The following APPL2 variants were observed in gnomAD, a reference collection of about 807,000 sequenced individuals.
APPL2 encodes adaptor protein, phosphotyrosine interacting with PH domain and leucine zipper 2.
APPL2 carries 84 observed loss-of-function variants against 92.7 expected under a neutral mutation model. The ratio of observed to expected loss-of-function variants is 0.91; its 90% confidence interval spans 0.76 to 1.09. The LOEUF is 1.09. Ranked by LOEUF, APPL2 falls within the 50% of genes least tolerant of loss-of-function variation. The pLI is 0.00. For missense variants in APPL2, 736 were observed against 824.5 expected (o/e 0.89, Z 1.31); for synonymous variants, 291 against 291.0 (o/e 1.00, Z 0.00).
At position 105,207,072 on chromosome 12, in the gene APPL2, C is replaced by T; in HGVS notation, c.610G>A (p.Ala204Thr). The T allele has an allele frequency of 6.2e-7, 1 of 1,614,022 alleles. No homozygotes were observed. The highest frequency in any genetic ancestry group is 8.5e-7 in the Non-Finnish European group (1 of 1,179,974). Residue 204 changes from alanine (A) to threonine (T), a missense_variant, in exon 8 of 21, where the codon GCC becomes ACC. Coordinates refer to ENST00000258530, the MANE Select transcript of APPL2 (RefSeq NM_018171.5). ...AGGGACTCCCCTACCTGTCCATGGG[C>T]AAAGCCTATCATGGGCTCCATCATG... ...MAMMEPMIGFAHGQINFFKKG... is the reference protein window; with the variant it reads ...MAMMEPMIGFTHGQINFFKKG...
Position 105,229,210 on chromosome 12 carries a change from A to G in APPL2, c.68T>C (p.Leu23Pro). The G allele has an allele frequency of 6.2e-7, 1 of 1,613,396 alleles. No homozygotes were observed. Among genetic ancestry groups the G allele is most frequent in the Non-Finnish European group, 8.5e-7 (1 of 1,179,502 alleles). ...GCCAGCATCTTCTTCAAACACGCTC[A>G]GTAAAGAGCGAGTCTGGAAGAAAAG... is the stretch of plus-strand genomic sequence containing the variant. ...LQDSPQTRSLLSVFEEDAGTL... is the reference protein window; with the variant it reads ...LQDSPQTRSLPSVFEEDAGTL... Residue 23 changes from leucine (L) to proline (P), a missense_variant, in exon 2 of 21, where the codon CTG (leucine) becomes CCG (proline). Physicochemically the swap from Leu to Pro is moderately conservative, Grantham distance 98. Coordinates refer to ENST00000258530, the MANE Select transcript of APPL2 (RefSeq NM_018171.5).
rs531803578 is a variant in APPL2 at position 105,215,197 on chromosome 12, C to A, written c.285+1872G>T. 2.0e-5 allele frequency among the ~76,000 whole-genome samples: 3 copies of A among 152,298 alleles called. No homozygotes were observed. The South Asian group carries it at 6.2e-4, about 32-fold the overall frequency. ...TTGTCAGAAGTACCAGAGGCCTAGA[C>A]TTGCAATTGGCATCTGAAGTGTGGG... is the stretch of plus-strand genomic sequence containing the variant. On this transcript the variant is annotated intron_variant, in intron 4 of 20. Transcript: ENST00000258530.
At chr12:105,179,275 T>C (rs966712656) in intron 17 of APPL2, among the ~76,000 whole-genome samples, 7 of 152,186 alleles carry the variant, frequency 4.6e-5, no homozygotes, top group Non-Finnish European at 8.8e-5. Flanking sequence ...CTGAGAATGA[T>C]GGTTTCCAGC....
chr12:105,225,325 T>G (rs1384138986), intron 2 of APPL2, among the ~76,000 whole-genome samples: 1 of 152,150 alleles, frequency 6.6e-6, no homozygotes, highest in African/African-American at 2.4e-5. Context: ...TTATTACCCC[T>G]GGCCCCACTT....
intron 1 of APPL2, among the ~76,000 whole-genome samples, chr12:105,231,463 T>C (rs1046787094): frequency 6.6e-6 from 1 of 152,218 alleles, no homozygotes; most frequent in Non-Finnish European, 1.5e-5. Flanking sequence ...GATTCCATGG[T>C]TCCATTAACT....
rs1189196634 is a variant in APPL2 at position 105,203,762 on chromosome 12, T to C, written c.645A>G (p.Ala215=). 2 of 1,613,882 alleles carry C rather than the reference T, an allele frequency of 1.2e-6. No individual in the cohort carries two copies. Among genetic ancestry groups the C allele is most frequent in the South Asian group, 2.2e-5 (2 of 91,084 alleles). Residue 215 remains alanine (A), a synonymous_variant, in exon 9 of 21, where the codon GCA becomes GCG. Transcript: ENST00000258530. ...TGTCCATACGTTTGGAAAACATCTC[T>C]GCTCCCTTCTTAAAAAAGTTAATCT... is the stretch of plus-strand genomic sequence containing the variant. ...HGQINFFKKG[A]EMFSKRMDSF...
intron 17 of APPL2, among the ~76,000 whole-genome samples, chr12:105,183,971 T>C (rs1277785319): frequency 2.6e-5 from 4 of 152,230 alleles, no homozygotes; most frequent in African/African-American, 9.6e-5. Flanking sequence ...CATTCTTTTT[T>C]CTCTAATCTT....
At chr12:105,182,945 G>GTA (rs200854967) in intron 17 of APPL2, among the ~76,000 whole-genome samples, 8,452 of 151,890 alleles carry the variant, frequency 0.056, 790 homozygotes, top group African/African-American at 0.19. Context: ...TCTGTATTGG[G>GTA]TATATATATA....
At chr12:105,183,020 C>CT (rs551214484) in intron 17 of APPL2, among the ~76,000 whole-genome samples, 1 of 141,884 alleles carries the variant, frequency 7.0e-6, no homozygotes, top group African/African-American at 2.6e-5. Context: ...CCTTCTTTGT[C>CT]TTTTTTGATT....
intron 20 of APPL2, among the ~76,000 whole-genome samples, chr12:105,175,425 T>C (rs903745120): frequency 6.6e-6 from 1 of 152,204 alleles, no homozygotes; most frequent in African/African-American, 2.4e-5. Flanking sequence ...GAGTTAAATT[T>C]AAAAATCCAG....
At chr12:105,184,016 A>G (rs1162870208) in intron 17 of APPL2, among the ~76,000 whole-genome samples, 1 of 151,978 alleles carries the variant, frequency 6.6e-6, no homozygotes, top group Non-Finnish European at 1.5e-5. Context: ...TTAATCTTCA[A>G]TCTCTGGTAT....
intron 8 of APPL2, 78 bp from the exon 9 acceptor site, chr12:105,203,863 C>T (rs1434747412): frequency 6.1e-6 from 8 of 1,310,916 alleles, no homozygotes; most frequent in Non-Finnish European, 8.7e-6. Flanking sequence ...AGACAGGCAG[C>T]GTGAGGGCAG....
Position 105,179,971 on chromosome 12 carries a change from GT to G in APPL2, c.1635-2710del, listed in dbSNP as rs1885954966. On this transcript the variant is annotated intron_variant, in intron 17 of 20. Coordinates refer to ENST00000258530, the MANE Select transcript of APPL2 (RefSeq NM_018171.5). ...TCTTTTGCTGTGCAGAAGCTCTTTA[GT>G]TTAATTAGACCCCATTTGTCAATTT... Among the ~76,000 whole-genome samples the G allele has an allele frequency of 3.3e-5, 5 of 152,278 alleles. No individual in the cohort carries two copies. The South Asian group carries it at 1.0e-3, about 32-fold the overall frequency.
chr12:105,184,099 C>A (rs1158585650), intron 17 of APPL2, among the ~76,000 whole-genome samples: 2 of 152,198 alleles, frequency 1.3e-5, no homozygotes, highest in African/African-American at 2.4e-5. Context: ...CTGTGTTTTT[C>A]ATCTCCATCA....
At chr12:105,185,437 A>G (rs1381084325) in intron 17 of APPL2, among the ~76,000 whole-genome samples, 2 of 152,140 alleles carry the variant, frequency 1.3e-5, no homozygotes, top group Non-Finnish European at 2.9e-5. Flanking sequence ...GACAGTGGCA[A>G]AAGCCTAGTA....
intron 5 of APPL2, among the ~76,000 whole-genome samples, chr12:105,210,691 A>G (rs1889139031): frequency 6.6e-6 from 1 of 152,212 alleles, no homozygotes; most frequent in African/African-American, 2.4e-5. Flanking sequence ...TCCCTTACTC[A>G]CTAACTGGTA....
intron 20 of APPL2, 70 bp downstream of exon 20, chr12:105,175,965 A>G: frequency 7.1e-7 from 1 of 1,402,392 alleles, no homozygotes; most frequent in Non-Finnish European, 9.6e-7. Context: ...TTCTTTTTGA[A>G]AAGACTCTTG....
rs1178649928 is a variant in APPL2 at position 105,236,049 on chromosome 12, G to A, written c.-37C>T. ...GCTCAGCCGAGGGCTGGGTTGGAAGGACAGAGGGCAGGAGACGCGGCGGCC... is the reference window on the plus strand; with the variant it reads ...GCTCAGCCGAGGGCTGGGTTGGAAGAACAGAGGGCAGGAGACGCGGCGGCC... On this transcript the variant is annotated 5_prime_UTR_variant, in exon 1 of 21. Coordinates refer to ENST00000258530, the MANE Select transcript of APPL2 (RefSeq NM_018171.5). 4 of 1,230,152 alleles carry A rather than the reference G, an allele frequency of 3.3e-6. No individual in the cohort carries two copies. Among genetic ancestry groups the A allele is most frequent in the East Asian group, 6.5e-5 (2 of 30,816 alleles). 76.2% of individuals were successfully genotyped at this position (1,230,152 alleles called of 1,614,324 possible).
chr12:105,227,491 A>G (rs187740041), intron 2 of APPL2, among the ~76,000 whole-genome samples: 124 of 152,286 alleles, frequency 8.1e-4, no homozygotes, highest in South Asian at 2.3e-3. Context: ...AGGCACGCAC[A>G]CACACTCATA....
Sources: allele counts gnomAD v4.1 joint callset (sites outside exome capture counted in the v4.1 genomes callset), GRCh38; gene constraint gnomAD v4.1.1; transcripts MANE v1.5; gene names NCBI Gene and HGNC (gene_info 2026-07-23, HGNC 2026-07-21).